CSMD3: variants seen among roughly 807,000 people sequenced by gnomAD.
CSMD3 encodes the protein CUB and Sushi multiple domains 3.
CSMD3 carries 177 observed loss-of-function variants against 435.2 expected under a neutral mutation model. The observed-to-expected ratio is 0.41, with a 90% CI of 0.36 to 0.46. The LOEUF is 0.46. Ranked by LOEUF, CSMD3 falls within the 20% of genes least tolerant of loss-of-function variation. The probability of loss-of-function intolerance (pLI) is 0.34; values close to 1 mark genes in which losing one functional copy is unlikely to be tolerated. For synonymous variants in CSMD3, 1,656 were observed against 1,520.5 expected, an observed-to-expected ratio of 1.09 and a Z score of -2.07; for missense variants, 4,265 against 4,504.6, an observed-to-expected ratio of 0.95 and a Z score of 1.52.
intron 5 of CSMD3, among the ~76,000 whole-genome samples, chr8:113,068,400 T>C (rs2088955651): frequency 6.6e-6 from 1 of 152,178 alleles, no homozygotes; most frequent in African/African-American, 2.4e-5. Context: ...GAAATGTTGC[T>C]GTGATTGGTC....
At chr8:112,805,699 T>C (rs1329096002) in intron 12 of CSMD3, among the ~76,000 whole-genome samples, 3 of 152,362 alleles carry the variant, frequency 2.0e-5, no homozygotes, top group East Asian at 3.9e-4. Context: ...CTCCGATTTA[T>C]CTATGATCTG....
chr8:112,760,302 A>G (rs1224404719), intron 13 of CSMD3, among the ~76,000 whole-genome samples: 1 of 152,142 alleles, frequency 6.6e-6, no homozygotes, highest in East Asian at 1.9e-4. Flanking sequence ...GAATGGGGAG[A>G]AGAAGGATTT....
At chr8:113,153,130 A>AGAAAGAGAAAGAAGGAAG (rs2091859152) in intron 4 of CSMD3, among the ~76,000 whole-genome samples, 1 of 82,736 alleles carries the variant, frequency 1.2e-5, no homozygotes, top group Admixed American at 1.3e-4. Context: ...AGAAAGAGAA[A>AGAAAGAGAAAGAAGGAAG]GAAGGAAGGA....
chr8:112,659,266 T>A (rs1409653690), intron 17 of CSMD3, among the ~76,000 whole-genome samples: 2 of 152,182 alleles, frequency 1.3e-5, no homozygotes, highest in African/African-American at 4.8e-5. Flanking sequence ...TGGGATAGGG[T>A]TACACAATAA....
Position 112,265,893 on chromosome 8 carries a change from A to T in CSMD3, c.9509-303T>A, listed in dbSNP as rs576873971. On this transcript the variant is annotated intron_variant, in intron 59 of 70. Transcript: ENST00000297405. ...AGTAACCTCTTCTAACCTTCACTAT[A>T]AGACCACAGAGAAAACAATCTGCAG... 8.3e-4 allele frequency among the ~76,000 whole-genome samples: 126 copies of T among 152,250 alleles called. 1 individual carries two copies. The highest frequency in any genetic ancestry group is 1.5e-3 in the Non-Finnish European group (102 of 68,022).
At chr8:112,895,321 A>C (rs1158768727) in intron 10 of CSMD3, among the ~76,000 whole-genome samples, 1 of 151,486 alleles carries the variant, frequency 6.6e-6, no homozygotes, top group Non-Finnish European at 1.5e-5. Flanking sequence ...TATTTCAGCA[A>C]TGACGGTAAG....
intron 35 of CSMD3, among the ~76,000 whole-genome samples, chr8:112,403,005 T>C (rs1831470215): frequency 6.6e-6 from 1 of 152,124 alleles, no homozygotes; most frequent in South Asian, 2.1e-4. Flanking sequence ...TGCAAGTACC[T>C]AAGGGGAGGA....
chr8:112,600,758 A>G (rs533211149), intron 22 of CSMD3, among the ~76,000 whole-genome samples: 1 of 151,816 alleles, frequency 6.6e-6, no homozygotes, highest in Admixed American at 6.6e-5. Flanking sequence ...GCTCACTGCA[A>G]GCTCCACCTC....
intron 1 of CSMD3, among the ~76,000 whole-genome samples, chr8:113,390,858 A>G (rs1376900209): frequency 1.3e-5 from 2 of 151,960 alleles, no homozygotes; most frequent in African/African-American, 4.8e-5. Context: ...AGTATCTGGA[A>G]CCTATTTCAG....
At chr8:113,319,673 A>G (rs2093935683) in intron 1 of CSMD3, among the ~76,000 whole-genome samples, 1 of 151,890 alleles carries the variant, frequency 6.6e-6, no homozygotes, top group Non-Finnish European at 1.5e-5. Flanking sequence ...TTTGCAAGGC[A>G]AAAAAAAGTT....
At chr8:112,471,027 C>T (rs1461100472) in intron 32 of CSMD3, among the ~76,000 whole-genome samples, 1 of 152,080 alleles carries the variant, frequency 6.6e-6, no homozygotes, top group Non-Finnish European at 1.5e-5. Flanking sequence ...AGATTTCATT[C>T]TTTAGGAATC....
At chr8:112,351,685 A>C (rs1326866714) in intron 39 of CSMD3, among the ~76,000 whole-genome samples, 5 of 152,006 alleles carry the variant, frequency 3.3e-5, no homozygotes, top group Non-Finnish European at 7.4e-5. Flanking sequence ...TTATATTGAA[A>C]TATAAAGTCC....
intron 38 of CSMD3, among the ~76,000 whole-genome samples, chr8:112,355,367 C>T (rs1339037408): frequency 6.6e-6 from 1 of 152,102 alleles, no homozygotes; most frequent in Non-Finnish European, 1.5e-5. Context: ...AATTAAACTA[C>T]AGAGTTTCTG....
intron 13 of CSMD3, among the ~76,000 whole-genome samples, chr8:112,781,189 G>A (rs2132243671): frequency 6.6e-6 from 1 of 152,132 alleles, no homozygotes; most frequent in African/African-American, 2.4e-5. Flanking sequence ...CAGAAGGAAA[G>A]CACTTCTCTG....
At chr8:112,261,715 C>T (rs1816417668) in intron 61 of CSMD3, among the ~76,000 whole-genome samples, 2 of 152,108 alleles carry the variant, frequency 1.3e-5, no homozygotes, top group South Asian at 4.1e-4. Flanking sequence ...AAGTCTTTAA[C>T]TTTACTAAAT....
intron 1 of CSMD3, among the ~76,000 whole-genome samples, chr8:113,410,198 T>C (rs572493835): frequency 3.9e-4 from 59 of 152,284 alleles, no homozygotes; most frequent in African/African-American, 1.4e-3. Flanking sequence ...ATATTATGTA[T>C]TTAAGATATA....
intron 66 of CSMD3, among the ~76,000 whole-genome samples, chr8:112,239,758 G>A (rs189504769): frequency 1.3e-5 from 2 of 152,012 alleles, no homozygotes; most frequent in African/African-American, 2.4e-5. Flanking sequence ...TACTCTCTAT[G>A]TAGTTATGCT....
intron 21 of CSMD3, among the ~76,000 whole-genome samples, chr8:112,638,411 T>A (rs1444559068): frequency 6.6e-6 from 1 of 151,006 alleles, no homozygotes; most frequent in Non-Finnish European, 1.5e-5. Flanking sequence ...TTGACCTTTG[T>A]TAGAATTTTT....
chr8:112,683,583 C>T (rs1227786245), intron 15 of CSMD3, among the ~76,000 whole-genome samples: 2 of 151,910 alleles, frequency 1.3e-5, no homozygotes, highest in Non-Finnish European at 2.9e-5. Flanking sequence ...ATTACATGAA[C>T]AATCCAAATT....
Sources: gnomAD v4.1 joint callset for allele counts (sites outside exome capture counted in the v4.1 genomes callset) on GRCh38, gnomAD v4.1.1 for gene constraint, MANE v1.5 for transcripts, NCBI Gene and HGNC (gene_info 2026-07-23, HGNC 2026-07-21) for gene names.